NOXA1: variants seen among roughly 807,000 people sequenced by gnomAD.
The protein encoded by NOXA1 is NCF2-like protein.
In NOXA1, 56 loss-of-function variants were observed where a neutral mutation model predicts 64.8. The ratio of observed to expected loss-of-function variants is 0.86; its 90% CI spans 0.70 to 1.08. The LOEUF (loss-of-function observed/expected upper bound fraction) is 1.08. NOXA1 is among the 50% of genes least tolerant of loss of function. The pLI, the probability that NOXA1 is intolerant of heterozygous loss-of-function variation, is 0.00. For missense variants in NOXA1, 668 were observed against 658.5 expected, an observed-to-expected ratio of 1.01 and a Z score of -0.16; for synonymous variants, 295 against 294.8, an observed-to-expected ratio of 1.00 and a Z score of -0.01.
intron 5 of NOXA1, among the ~76,000 whole-genome samples, chr9:137,430,336 G>A (rs1839056282): frequency 6.6e-6 from 1 of 152,116 alleles, no homozygotes; most frequent in African/African-American, 2.4e-5. Context: ...ACTCCTGGTG[G>A]GCAAAGACTG....
chr9:137,429,153 G>T, intron 4 of NOXA1, 123 bp from the exon 5 acceptor site: 1 of 1,353,290 alleles, frequency 7.4e-7, no homozygotes, highest in Non-Finnish European at 9.9e-7. Context: ...GGGGCTTCCT[G>T]TGACCTGCGG....
chr9:137,423,607 CT>C lies in NOXA1; in HGVS notation c.80del (p.Leu27CysfsTer39). ...TGGATCGTGGGGACTGGGCCCGCGC[CT>C]TGCACCTCTTCTCGGGCGTCCCGGC... Reference protein sequence around the residue: ...AVDRGDWARALHLFSGVPAPP... With the variant: ...AVDRGDWARAXHLFSGVPAPP... On this transcript the variant is annotated frameshift_variant, in exon 1 of 14. Coordinates refer to ENST00000683555, the MANE Select transcript of NOXA1 (RefSeq NM_001256067.2). LOFTEE classifies it high-confidence loss of function. The C allele has an allele frequency of 1.4e-6, 2 of 1,474,458 alleles. No individual in the cohort carries two copies. The highest frequency in any genetic ancestry group is 1.3e-5 in the South Asian group (1 of 77,710). The allele number at this position is 1,474,458 out of a possible 1,614,324, so 91.3% of individuals were successfully genotyped here.
chr9:137,431,843 G>A lies in NOXA1; in HGVS notation c.804+502G>A, dbSNP rs1839122289. On this transcript the variant is annotated intron_variant, in intron 8 of 13. Transcript: ENST00000683555. The surrounding 1 kb of genome is among the most constrained non-coding windows in gnomAD (Gnocchi z 5.6). ...CAGCTGCTCCCAGGGTGGCAGCCGT[G>A]GGCGGAGGCTCTGCTGCAGGATCCG... 6.6e-6 allele frequency among the ~76,000 whole-genome samples: 1 copy of A among 152,182 alleles called. No individual in the cohort carries two copies. Among genetic ancestry groups the A allele is most frequent in the Non-Finnish European group, 1.5e-5 (1 of 68,014 alleles).
chr9:137,433,150 C>T, intron 9 of NOXA1, 55 bp from the exon 10 acceptor site: 7 of 1,608,138 alleles, frequency 4.4e-6, no homozygotes, highest in Non-Finnish European at 5.9e-6. Context: ...CTGCCCTCCA[C>T]CCACAGGGCC....
Position 137,433,499 on chromosome 9 carries a change from A to G in NOXA1, c.956A>G (p.Gln319Arg), listed in dbSNP as rs1269772153. 6 of 1,604,318 alleles carry G rather than the reference A, an allele frequency of 3.7e-6. No homozygotes were observed. The highest frequency in any genetic ancestry group is 5.1e-6 in the Non-Finnish European group (6 of 1,178,882). Residue 319 changes from glutamine (Q) to arginine (R), a missense_variant, in exon 11 of 14, where the codon CAG (glutamine) becomes CGG (arginine). Transcript: ENST00000683555. Reference protein sequence around the residue: ...GSEPLVTVTVQCAFTVALRAR... With the variant: ...GSEPLVTVTVRCAFTVALRAR... ...GAGCCCCTGGTGACTGTCACCGTGC[A>G]GTGCGCCTTCACAGTGGCCCTGAGG...
intron 2 of NOXA1, 75 bp downstream of exon 2, chr9:137,426,405 C>A: frequency 8.4e-7 from 1 of 1,193,932 alleles, no homozygotes; most frequent in Non-Finnish European, 1.2e-6. Flanking sequence ...GCACCTCCTC[C>A]TCCTCCCTCT....
chr9:137,424,291 A>G (rs1838737692), intron 1 of NOXA1, among the ~76,000 whole-genome samples: 1 of 152,176 alleles, frequency 6.6e-6, no homozygotes, highest in East Asian at 1.9e-4. Context: ...TTTAAAGGAG[A>G]GGGAACTGCG....
At chr9:137,425,321 T>C (rs1200626971) in intron 1 of NOXA1, among the ~76,000 whole-genome samples, 4 of 152,234 alleles carry the variant, frequency 2.6e-5, no homozygotes, top group Admixed American at 6.5e-5. Flanking sequence ...AAGACGTGTG[T>C]TGTTCTTTCT....
Position 137,425,489 on chromosome 9 carries a change from G to A in NOXA1, c.178-759G>A, listed in dbSNP as rs186983417. On this transcript the variant is annotated intron_variant, in intron 1 of 13. Coordinates refer to ENST00000683555, the MANE Select transcript of NOXA1 (RefSeq NM_001256067.2). ...CAACCTCTACCTCCCGGGTTCAAGCGATTCTCCTGCCTCAACCTCCCGAGT... is the reference window on the plus strand; with the variant it reads ...CAACCTCTACCTCCCGGGTTCAAGCAATTCTCCTGCCTCAACCTCCCGAGT... Among the ~76,000 whole-genome samples the A allele has an allele frequency of 8.5e-3, 1,291 of 152,182 alleles. 7 individuals carry two copies. The highest frequency in any genetic ancestry group is 0.017 in the Admixed American group (267 of 15,274).
intron 13 of NOXA1, 49 bp from the exon 14 acceptor site, chr9:137,434,175 G>C (rs567643263): frequency 6.3e-7 from 1 of 1,583,798 alleles, no homozygotes; most frequent in African/African-American, 1.3e-5. Context: ...GTGGCACCCA[G>C]AGGCCACGCC....
At chr9:137,423,844 G>A in intron 1 of NOXA1, 138 bp downstream of exon 1, 1 of 716,530 alleles carries the variant, frequency 1.4e-6, no homozygotes, top group Non-Finnish European at 1.9e-6. Context: ...GGTGGGAGCC[G>A]AGCAGGGGGG....
chr9:137,428,185 C>CACCGCT lies in NOXA1; in HGVS notation c.369+44_369+45insACCGCT, dbSNP rs1292742865. 7.7e-6 allele frequency: 11 copies of CACCGCT among 1,421,940 alleles called. No individual in the cohort carries two copies. The African/African-American group carries it at 1.4e-4, about 18-fold the overall frequency. 88.1% of individuals were successfully genotyped at this position (1,421,940 alleles called of 1,614,324 possible). ...CACTGTGCTGCTGGCTGTGGGGTGT[C>CACCGCT]CACGGGCGGTGGCACTGTCACAGGA... On this transcript the variant is annotated intron_variant, in intron 3 of 13. Transcript: ENST00000683555.
chr9:137,434,041 G>A lies in NOXA1; in HGVS notation c.1256G>A (p.Gly419Asp), dbSNP rs1367536752. The A allele has an allele frequency of 1.9e-6, 3 of 1,576,460 alleles. No individual in the cohort carries two copies. Among genetic ancestry groups the A allele is most frequent in the Non-Finnish European group, 2.6e-6 (3 of 1,166,090 alleles). Residue 419 changes from glycine to aspartate, a missense_variant, in exon 13 of 14, where the codon GGC becomes GAC. Coordinates refer to ENST00000683555, the MANE Select transcript of NOXA1 (RefSeq NM_001256067.2). ...TCCGCCCAGGGGCCAGAGGACCTGG[G>A]CTTCCGACAGGGGGACACGGTGGAC... ...SYSAQGPEDLGFRQGDTVDVL... is the reference protein window; with the variant it reads ...SYSAQGPEDLDFRQGDTVDVL...
At position 137,431,072 on chromosome 9, in the gene NOXA1, C is replaced by T. The variant is rs758863583; in HGVS notation, c.673-3C>T. On this transcript the variant is annotated splice_region_variant and splice_polypyrimidine_tract_variant and intron_variant, in intron 6 of 13. Transcript: ENST00000683555. The surrounding 1 kb of genome is among the most constrained non-coding windows in gnomAD (Gnocchi z 5.6). ...GAGCGAGGTTGTTGCTTTGTGTCCACAGGGACCAGGAGCGAACCATGATGC... is the reference window on the plus strand; with the variant it reads ...GAGCGAGGTTGTTGCTTTGTGTCCATAGGGACCAGGAGCGAACCATGATGC... 4 of 1,613,186 alleles carry T rather than the reference C, an allele frequency of 2.5e-6. No individual in the cohort carries two copies. In the East Asian group the frequency reaches 8.9e-5, roughly 36 times the overall value.
At chr9:137,430,117 G>A (rs1234677408) in intron 5 of NOXA1, among the ~76,000 whole-genome samples, 1 of 148,210 alleles carries the variant, frequency 6.7e-6, no homozygotes, top group East Asian at 2.0e-4. Flanking sequence ...GTCTCCCTGT[G>A]TCCCTGCCAC....
intron 1 of NOXA1, among the ~76,000 whole-genome samples, chr9:137,424,157 C>T (rs886775761): frequency 6.6e-6 from 1 of 152,188 alleles, no homozygotes; most frequent in African/African-American, 2.4e-5. Context: ...TGCCCCCTCG[C>T]GTTCCGGGGC....
chr9:137,424,973 T>C (rs573679233), intron 1 of NOXA1, among the ~76,000 whole-genome samples: 1 of 152,302 alleles, frequency 6.6e-6, no homozygotes, highest in South Asian at 2.1e-4. Flanking sequence ...ATAAAGCCGA[T>C]CACGTGAGGG....
At chr9:137,430,512 T>C (rs1839066763) in intron 5 of NOXA1, among the ~76,000 whole-genome samples, 1 of 152,268 alleles carries the variant, frequency 6.6e-6, no homozygotes. Flanking sequence ...GTTAATGCAT[T>C]AACTTAGAGT....
Position 137,433,545 on chromosome 9 carries a change from G to A in NOXA1, c.1002G>A (p.Leu334=). ...TGAGGGCACGAAGAGGAGCCGACCT[G>A]TCCAGCCTGCGGGCACTGCTGGGCC... ...VALRARRGAD[L]SSLRALLGQA... The change falls in exon 11 of 14, where the codon CTG becomes CTA. Residue 334 remains leucine (L), a synonymous_variant. Coordinates refer to ENST00000683555, the MANE Select transcript of NOXA1 (RefSeq NM_001256067.2). 1.3e-6 allele frequency: 2 copies of A among 1,581,996 alleles called. No individual in the cohort carries two copies. Among genetic ancestry groups the A allele is most frequent in the Non-Finnish European group, 1.7e-6 (2 of 1,166,926 alleles).
Sources: allele counts gnomAD v4.1 joint callset (sites outside exome capture counted in the v4.1 genomes callset), GRCh38; gene constraint gnomAD v4.1.1; non-coding constraint Gnocchi (gnomAD v3.1); transcripts MANE v1.5; gene names NCBI Gene and HGNC (gene_info 2026-07-23, HGNC 2026-07-21).